The following KY variants were observed in gnomAD, a reference collection of about 807,000 sequenced individuals.
KY encodes kyphoscoliosis peptidase.
Under a neutral mutation model 76.1 loss-of-function variants are expected in KY, and 43 were observed. That is an observed-to-expected ratio of 0.57 (90% confidence interval 0.44 to 0.73). KY has a LOEUF of 0.73. Ranked by LOEUF, KY falls within the 30% of genes least tolerant of loss-of-function variation. The pLI is 0.00. For missense variants in KY, 722 were observed against 828.9 expected (o/e 0.87, Z 1.58); for synonymous variants, 277 against 326.2 (o/e 0.85, Z 1.63).
In KY at chr3:134,608,277, A is replaced by G. The variant is rs148713747; in HGVS notation, c.1090+372T>C. On this transcript the variant is annotated intron_variant, in intron 10 of 10. Coordinates refer to ENST00000423778, the MANE Select transcript of KY (RefSeq NM_178554.6). Reference sequence around the variant, plus strand: ...GGGTGACGTAGTCCTTTTCCCTGCTATGTGAACTGAGAGAGACTCACCCAG... The same window carrying G: ...GGGTGACGTAGTCCTTTTCCCTGCTGTGTGAACTGAGAGAGACTCACCCAG... 9.0e-5 allele frequency: 109 copies of G among 1,206,286 alleles called. No homozygotes were observed. In the African/African-American group the frequency reaches 1.5e-3, roughly 16 times the overall value. 74.7% of individuals were successfully genotyped at this position (1,206,286 alleles called of 1,614,324 possible).
intron 3 of KY, among the ~76,000 whole-genome samples, chr3:134,641,004 A>AC (rs1015670379): frequency 6.6e-6 from 1 of 151,836 alleles, no homozygotes; most frequent in Non-Finnish European, 1.5e-5. Context: ...CTCTTCTGCT[A>AC]CCCCCACCTT....
At chr3:134,637,205 T>C (rs1965094381) in intron 3 of KY, among the ~76,000 whole-genome samples, 1 of 152,262 alleles carries the variant, frequency 6.6e-6, no homozygotes, top group African/African-American at 2.4e-5. Flanking sequence ...AATTAAAACA[T>C]TAAGCATTTC....
At chr3:134,650,439 G>A (rs909399738) in intron 1 of KY, among the ~76,000 whole-genome samples, 1 of 152,210 alleles carries the variant, frequency 6.6e-6, no homozygotes, top group Non-Finnish European at 1.5e-5. Flanking sequence ...GTGCCCTGCA[G>A]TGTGCTGTGG....
intron 6 of KY, among the ~76,000 whole-genome samples, chr3:134,623,077 C>T (rs1053424668): frequency 2.0e-5 from 3 of 152,246 alleles, no homozygotes; most frequent in Non-Finnish European, 2.9e-5. Flanking sequence ...GAATGGTACT[C>T]AGCATTGCAG....
Position 134,619,088 on chromosome 3 carries a change from C to T in KY, c.710+60G>A, listed in dbSNP as rs1577663170. On this transcript the variant is annotated intron_variant, in intron 8 of 10. Coordinates refer to ENST00000423778, the MANE Select transcript of KY (RefSeq NM_178554.6). ...GGCATGTGGGCAAAGGCACATGGCA[C>T]TGTGGAAGAGGGAGAGGGATGGGTC... 10 of 1,381,088 alleles carry T rather than the reference C, an allele frequency of 7.2e-6. No homozygotes were observed. The East Asian group carries it at 1.1e-4, about 16-fold the overall frequency. 85.6% of individuals were successfully genotyped at this position (1,381,088 alleles called of 1,614,324 possible).
chr3:134,605,565 G>T (rs866059538), intron 10 of KY, among the ~76,000 whole-genome samples: 1 of 152,276 alleles, frequency 6.6e-6, no homozygotes, highest in Middle Eastern at 3.4e-3. Context: ...TGGGGAGGCT[G>T]CTTAGACAGC....
rs1267230905 is a variant in KY, at chr3:134,608,690, C to T, written c.1049G>A (p.Gly350Glu). 2 of 1,614,040 alleles carry T rather than the reference C, an allele frequency of 1.2e-6. No homozygotes were observed. Among genetic ancestry groups the T allele is most frequent in the Non-Finnish European group, 1.7e-6 (2 of 1,179,902 alleles). The change falls in exon 10 of 11, where the codon GGG becomes GAG. Residue 350 changes from glycine (G) to glutamate (E), a missense_variant. Physicochemically the swap from Gly to Glu is moderately conservative, Grantham distance 98 (BLOSUM62 -2). This residue lies in a region of KY where 552 missense variants were observed against 680.9 expected (regional missense o/e 0.81). Transcript: ENST00000423778. Reference protein sequence around the residue: ...MYHKSEFYNKGMLSAHPETSM... With the variant: ...MYHKSEFYNKEMLSAHPETSM... Reference sequence around the variant, plus strand: ...AGTCTCTGGGTGGGCACTCAGCATCCCTTTGTTGTAGAATTCACTCTTGTG... The same window carrying T: ...AGTCTCTGGGTGGGCACTCAGCATCTCTTTGTTGTAGAATTCACTCTTGTG...
chr3:134,605,927 G>A (rs1340661856), intron 10 of KY, among the ~76,000 whole-genome samples: 1 of 152,152 alleles, frequency 6.6e-6, no homozygotes, highest in Non-Finnish European at 1.5e-5. Flanking sequence ...CACTGAAATT[G>A]TGTGACTCTT....
chr3:134,648,779 C>T (rs1362604826), intron 1 of KY, among the ~76,000 whole-genome samples: 1 of 152,208 alleles, frequency 6.6e-6, no homozygotes, highest in African/African-American at 2.4e-5. Context: ...TTACGGATTA[C>T]TCCATCCTCT....
chr3:134,628,967 C>T (rs1425763558), intron 4 of KY, among the ~76,000 whole-genome samples: 1 of 152,204 alleles, frequency 6.6e-6, no homozygotes, highest in Non-Finnish European at 1.5e-5. Flanking sequence ...ACTTGAGCCT[C>T]AGTTGTTCTG....
chr3:134,638,101 G>A (rs1965232966), intron 3 of KY, among the ~76,000 whole-genome samples: 1 of 152,200 alleles, frequency 6.6e-6, no homozygotes, highest in South Asian at 2.1e-4. Flanking sequence ...TGATCTGCAT[G>A]GGAGTGTGAT....
chr3:134,624,846 C>G lies in KY; in HGVS notation c.483+207G>C, dbSNP rs4440162. On this transcript the variant is annotated intron_variant, in intron 6 of 10. Coordinates refer to ENST00000423778, the MANE Select transcript of KY (RefSeq NM_178554.6). Reference sequence around the variant, plus strand: ...TGGGAGCAACAGGATCGTGGGTGGGCTGGGGGATGGAATGGCCTCTGGCTC... The same window carrying G: ...TGGGAGCAACAGGATCGTGGGTGGGGTGGGGGATGGAATGGCCTCTGGCTC... Among the ~76,000 whole-genome samples the G allele has an allele frequency of 1, 152,019 of 152,210 alleles. 75,915 individuals carry two copies. Among genetic ancestry groups the G allele is most frequent in the Non-Finnish European group, 1 (68,022 of 68,022 alleles).
chr3:134,607,679 AG>A (rs1959452630), intron 10 of KY: 1 of 985,662 alleles, frequency 1.0e-6, no homozygotes, highest in African/African-American at 1.7e-5. Context: ...CTGGCCCTCC[AG>A]GGCAGCCCCC....
chr3:134,614,244 G>A (rs372778738), intron 8 of KY, among the ~76,000 whole-genome samples: 1 of 152,238 alleles, frequency 6.6e-6, no homozygotes, highest in East Asian at 1.9e-4. Context: ...CTCCTGAAGA[G>A]CTCCGACCAG....
At chr3:134,608,612 C>G in intron 10 of KY, 37 bp downstream of exon 10, 1 of 1,613,908 alleles carries the variant, frequency 6.2e-7, no homozygotes, top group Non-Finnish European at 8.5e-7. Flanking sequence ...ATGCTCCATT[C>G]CTGCTGCTAG....
intron 6 of KY, among the ~76,000 whole-genome samples, chr3:134,623,657 T>G (rs1963003497): frequency 6.6e-6 from 1 of 151,358 alleles, no homozygotes; most frequent in Non-Finnish European, 1.5e-5. Flanking sequence ...ACTACTCACC[T>G]CCTGCTTGCT....
At position 134,612,600 on chromosome 3, in the gene KY, T is replaced by G. The variant is rs538344670; in HGVS notation, c.711-2217A>C. Reference sequence around the variant, plus strand: ...AGAGGTGTAGGGGTGGGATAGACATTCTATAGGAGGTGGGGCCCCATCTAC... The same window carrying G: ...AGAGGTGTAGGGGTGGGATAGACATGCTATAGGAGGTGGGGCCCCATCTAC... On this transcript the variant is annotated intron_variant, in intron 8 of 10. Transcript: ENST00000423778. Among the ~76,000 whole-genome samples the G allele has an allele frequency of 1.7e-3, 257 of 152,058 alleles. 4 individuals carry two copies. Among genetic ancestry groups the G allele is most frequent in the Non-Finnish European group, 2.8e-4 (19 of 67,982 alleles).
rs761257888 is a variant in KY at position 134,629,637 on chromosome 3, C to G, written c.321G>C (p.Lys107Asn). The part of the protein sequence containing the change: ...PRDAMPQLLK[K>N]FSLAKRLQGD... ...CATACATACGTTTAGCCAAGGAGAA[C>G]TTCTTGAGCAGCTGGGGCATGGCAT... is the stretch of plus-strand genomic sequence containing the variant. The change falls in exon 4 of 11, where the codon AAG (lysine) becomes AAC (asparagine). Residue 107 changes from lysine (K) to asparagine (N), a missense_variant. By Grantham distance (94) the Lys-to-Asn change is moderately conservative (BLOSUM62 0). Coordinates refer to ENST00000423778, the MANE Select transcript of KY (RefSeq NM_178554.6). 5.0e-6 allele frequency: 8 copies of G among 1,601,054 alleles called. No homozygotes were observed. The highest frequency in any genetic ancestry group is 1.1e-5 in the South Asian group (1 of 88,294).
intron 3 of KY, 28 bp from the exon 4 acceptor site, chr3:134,629,723 C>T: frequency 6.8e-7 from 1 of 1,462,558 alleles, no homozygotes; most frequent in Non-Finnish European, 9.4e-7. Flanking sequence ...ATGACATTCT[C>T]AACCAGATGC....
Sources: allele counts gnomAD v4.1 joint callset (sites outside exome capture counted in the v4.1 genomes callset), GRCh38; gene constraint gnomAD v4.1.1; regional missense constraint gnomAD v4.1.1; transcripts MANE v1.5; gene names NCBI Gene and HGNC (gene_info 2026-07-23, HGNC 2026-07-21).